Variants in ANKRD6 observed in about 807,000 individuals in gnomAD.
ANKRD6 encodes ankyrin repeat domain 6.
A neutral mutation model predicts 82.3 loss-of-function variants in ANKRD6; 56 were observed. The ratio of observed to expected loss-of-function variants is 0.68; its 90% CI spans 0.55 to 0.85. The LOEUF (loss-of-function observed/expected upper bound fraction) is 0.85, where lower values mean the gene tolerates loss of function less well. Among genes scored for constraint, ANKRD6 ranks in the 40% least tolerant of loss-of-function variants. ANKRD6 has a pLI of 0.00. For synonymous variants in ANKRD6, 347 were observed against 352.1 expected (o/e 0.99, Z 0.16); for missense variants, 852 against 907.6 (o/e 0.94, Z 0.79).
chr6:89,447,609 A>G (rs1772249750), intron 1 of ANKRD6, among the ~76,000 whole-genome samples: 3 of 152,248 alleles, frequency 2.0e-5, no homozygotes, highest in Non-Finnish European at 2.9e-5. Flanking sequence ...ATTGATGAAG[A>G]TGGCTACACT....
intron 1 of ANKRD6, among the ~76,000 whole-genome samples, chr6:89,504,630 C>G (rs1779640414): frequency 6.6e-6 from 1 of 152,066 alleles, no homozygotes; most frequent in Non-Finnish European, 1.5e-5. Context: ...GTCTCAAACT[C>G]CTGGACTCAA....
At chr6:89,523,214 A>C (rs548324980) in intron 1 of ANKRD6, among the ~76,000 whole-genome samples, 1 of 152,332 alleles carries the variant, frequency 6.6e-6, no homozygotes, top group East Asian at 1.9e-4. Context: ...TGCGTTAGAC[A>C]AGATTAGCAT....
At chr6:89,526,198 A>G (rs753807808) in intron 1 of ANKRD6, among the ~76,000 whole-genome samples, 23 of 152,312 alleles carry the variant, frequency 1.5e-4, no homozygotes, top group Middle Eastern at 3.4e-3. Flanking sequence ...TGAGGTACCA[A>G]TTATGTGTGT....
intron 5 of ANKRD6, among the ~76,000 whole-genome samples, chr6:89,611,781 C>A (rs149327567): frequency 4.6e-5 from 7 of 152,350 alleles, no homozygotes; most frequent in Admixed American, 6.5e-5. Flanking sequence ...ATTAGCCTGC[C>A]CTTCCAGGAA....
chr6:89,486,712 G>C (rs190207208), intron 1 of ANKRD6, among the ~76,000 whole-genome samples: 2 of 152,078 alleles, frequency 1.3e-5, no homozygotes, highest in Non-Finnish European at 2.9e-5. Context: ...GGGCTCAAGC[G>C]ATCTCTTTCC....
intron 2 of ANKRD6, among the ~76,000 whole-genome samples, chr6:89,580,309 C>T (rs1321325927): frequency 6.6e-6 from 1 of 151,466 alleles, no homozygotes; most frequent in South Asian, 2.1e-4. Flanking sequence ...TTGTGGTTCC[C>T]GTGGGGCTTT....
At chr6:89,608,277 T>C (rs991821560) in intron 5 of ANKRD6, among the ~76,000 whole-genome samples, 1 of 151,252 alleles carries the variant, frequency 6.6e-6, no homozygotes, top group African/African-American at 2.4e-5. Flanking sequence ...GGTAGGATAA[T>C]GAATCAGGTG....
At chr6:89,562,235 G>T (rs1488258531) in intron 1 of ANKRD6, among the ~76,000 whole-genome samples, 1 of 152,186 alleles carries the variant, frequency 6.6e-6, no homozygotes, top group East Asian at 1.9e-4. Context: ...CTCCCCGGCA[G>T]AGACTGTTCA....
chr6:89,532,458 A>T (rs558819210), intron 1 of ANKRD6, among the ~76,000 whole-genome samples: 2 of 152,106 alleles, frequency 1.3e-5, no homozygotes, highest in Non-Finnish European at 2.9e-5. Context: ...GCACTTCCCA[A>T]ATTTCCCTGG....
intron 4 of ANKRD6, among the ~76,000 whole-genome samples, chr6:89,604,544 A>G (rs1798050883): frequency 6.6e-6 from 1 of 152,064 alleles, no homozygotes; most frequent in Admixed American, 6.6e-5. Context: ...TCATTAAAGT[A>G]TAATATACAT....
chr6:89,620,985 C>A (rs557730941), intron 9 of ANKRD6, among the ~76,000 whole-genome samples: 138 of 152,148 alleles, frequency 9.1e-4, no homozygotes, highest in African/African-American at 3.3e-3. Context: ...AGGAGAATGG[C>A]GTGAACCCGG....
At chr6:89,510,382 G>GTTT (rs558675360) in intron 1 of ANKRD6, among the ~76,000 whole-genome samples, 1 of 141,538 alleles carries the variant, frequency 7.1e-6, no homozygotes, top group African/African-American at 2.6e-5. Flanking sequence ...TTTCCAAATA[G>GTTT]TTTTTTTTTT....
chr6:89,451,654 C>T (rs1772835767), intron 1 of ANKRD6, among the ~76,000 whole-genome samples: 2 of 152,126 alleles, frequency 1.3e-5, no homozygotes, highest in South Asian at 4.1e-4. Flanking sequence ...TGTCATTGTA[C>T]GTCCTAAACT....
At chr6:89,510,788 G>T (rs1341117587) in intron 1 of ANKRD6, among the ~76,000 whole-genome samples, 4 of 152,016 alleles carry the variant, frequency 2.6e-5, no homozygotes, top group African/African-American at 9.7e-5. Flanking sequence ...CATATAAAAT[G>T]TAAGTTCTGT....
At chr6:89,466,366 A>G (rs1334093012) in intron 1 of ANKRD6, among the ~76,000 whole-genome samples, 1 of 152,188 alleles carries the variant, frequency 6.6e-6, no homozygotes, top group African/African-American at 2.4e-5. Context: ...GAGTCAAAAG[A>G]TATTTACTTA....
intron 1 of ANKRD6, among the ~76,000 whole-genome samples, chr6:89,522,455 T>C (rs1782001565): frequency 6.6e-6 from 1 of 152,286 alleles, no homozygotes; most frequent in East Asian, 1.9e-4. Context: ...CCTCAAAACC[T>C]GCTAAAGGGG....
chr6:89,614,468 A>G (rs540197808), intron 7 of ANKRD6, among the ~76,000 whole-genome samples: 6 of 152,254 alleles, frequency 3.9e-5, no homozygotes, highest in African/African-American at 1.4e-4. Flanking sequence ...CAACATGGTG[A>G]AACCCTGTCT....
chr6:89,456,700 G>A (rs854864), intron 1 of ANKRD6, among the ~76,000 whole-genome samples: 28,644 of 152,144 alleles, frequency 0.19, 3,328 homozygotes, highest in Non-Finnish European at 0.26. Flanking sequence ...TATCAAAATA[G>A]CTAGGCTGTT....
chr6:89,611,226 T>A (rs2128215309), intron 5 of ANKRD6, among the ~76,000 whole-genome samples: 1 of 152,104 alleles, frequency 6.6e-6, no homozygotes, highest in South Asian at 2.1e-4. Context: ...TCTGATATAC[T>A]GGAGTATCGG....
Sources: allele counts gnomAD v4.1 joint callset (sites outside exome capture counted in the v4.1 genomes callset), GRCh38; gene constraint gnomAD v4.1.1; transcripts MANE v1.5; gene names NCBI Gene and HGNC (gene_info 2026-07-23, HGNC 2026-07-21).